Variants in SLC6A5 observed in about 807,000 individuals in gnomAD.
SLC6A5 encodes sodium- and chloride-dependent glycine transporter 2.
In SLC6A5, 58 loss-of-function variants were observed where a neutral mutation model predicts 90.5. That is an observed-to-expected ratio of 0.64 (90% CI 0.52 to 0.80). The LOEUF is 0.80. Among genes scored for constraint, SLC6A5 ranks in the 30% least tolerant of loss-of-function variants. The probability of loss-of-function intolerance (pLI) is 0.00; values close to 1 mark genes in which losing one functional copy is unlikely to be tolerated. For synonymous variants in SLC6A5, 427 were observed against 401.4 expected (o/e 1.06, Z -0.76); for missense variants, 1,015 against 1,017.6 (o/e 1.00, Z 0.03).
At chr11:20,614,935 A>G in intron 6 of SLC6A5, 115 bp downstream of exon 6, 1 of 1,051,834 alleles carries the variant, frequency 9.5e-7, no homozygotes, top group Non-Finnish European at 1.5e-6. Flanking sequence ...TCAGAGAGGA[A>G]GGTTTTTTCC....
In SLC6A5 at chr11:20,630,833, C is replaced by G. The variant is rs771834560; in HGVS notation, c.1624+18C>G. ...AGACCAAGGTACAGGACAGTTGTTA[C>G]CCTGCTGTTGCAGGGCAGGTCCCAG... On this transcript the variant is annotated intron_variant, in intron 10 of 15. Coordinates refer to ENST00000525748, the MANE Select transcript of SLC6A5 (RefSeq NM_004211.5). The G allele has an allele frequency of 6.2e-7, 1 of 1,613,700 alleles. No homozygotes were observed. Among genetic ancestry groups the G allele is most frequent in the Non-Finnish European group, 8.5e-7 (1 of 1,179,714 alleles).
chr11:20,645,190 C>T (rs757824652), intron 13 of SLC6A5, among the ~76,000 whole-genome samples: 1 of 152,064 alleles, frequency 6.6e-6, no homozygotes, highest in Non-Finnish European at 1.5e-5. Flanking sequence ...TGCTTTCTAG[C>T]CCAGCAAGAG....
chr11:20,646,976 A>T, intron 14 of SLC6A5, 42 bp downstream of exon 14: 1 of 1,246,018 alleles, frequency 8.0e-7, no homozygotes, highest in Non-Finnish European at 1.2e-6. Flanking sequence ...AGCACCTTGC[A>T]TACGTATGTG....
intron 6 of SLC6A5, among the ~76,000 whole-genome samples, chr11:20,615,493 G>A (rs1381215224): frequency 2.6e-5 from 4 of 151,870 alleles, no homozygotes; most frequent in Non-Finnish European, 4.4e-5. Flanking sequence ...TCAGCCTCCC[G>A]AGGAGCTGGG....
chr11:20,635,051 C>T (rs1207157346), intron 10 of SLC6A5, among the ~76,000 whole-genome samples: 1 of 152,094 alleles, frequency 6.6e-6, no homozygotes, highest in Non-Finnish European at 1.5e-5. Context: ...AACTGCCGCT[C>T]AGACTTCCCC....
chr11:20,638,689 A>T (rs1031360387), intron 13 of SLC6A5, 131 bp downstream of exon 13: 54 of 715,676 alleles, frequency 7.5e-5, no homozygotes, highest in African/African-American at 1.2e-4. Context: ...AACCTAAGAG[A>T]GCTGCACTTT....
rs968056780 is a variant in SLC6A5 at position 20,656,633 on chromosome 11, T to G, written c.*1765T>G. On this transcript the variant is annotated 3_prime_UTR_variant, in exon 16 of 16. Transcript: ENST00000525748. Reference sequence around the variant, plus strand: ...AATATGAACTTCCAGTTTTTAAGAGTAGCTTGTGAAAGGTTTTAGAAAAGG... The same window carrying G: ...AATATGAACTTCCAGTTTTTAAGAGGAGCTTGTGAAAGGTTTTAGAAAAGG... The G allele has an allele frequency of 2.0e-5, 3 of 152,088 alleles. No homozygotes were observed. Among genetic ancestry groups the G allele is most frequent in the Non-Finnish European group, 4.4e-5 (3 of 68,028 alleles). The allele number at this position is 152,088 out of a possible 1,614,324, so 9.4% of individuals were successfully genotyped here. A position where few individuals can be genotyped will look rare whatever the true frequency, so the allele number is the denominator to read the frequency against.
At chr11:20,599,863 T>A (rs927721039) in intron 1 of SLC6A5, among the ~76,000 whole-genome samples, 188 bp downstream of exon 1, 23 of 152,104 alleles carry the variant, frequency 1.5e-4, no homozygotes, top group African/African-American at 4.3e-4. Context: ...GCAAAGAGGT[T>A]TCCTAGGCTG....
chr11:20,635,565 C>T (rs1853189525), intron 10 of SLC6A5, among the ~76,000 whole-genome samples: 1 of 152,132 alleles, frequency 6.6e-6, no homozygotes, highest in South Asian at 2.1e-4. Context: ...GCATGCCAGA[C>T]TTAATACTTA....
At chr11:20,606,936 C>G in intron 3 of SLC6A5, 71 bp from the exon 4 acceptor site, 1 of 1,603,424 alleles carries the variant, frequency 6.2e-7, no homozygotes, top group South Asian at 1.1e-5. Flanking sequence ...CAGCCCCTAG[C>G]CCAGAGGGTT....
In SLC6A5 at chr11:20,604,399, C is replaced by T; in HGVS notation, c.654C>T (p.Pro218=). The T allele has an allele frequency of 6.2e-7, 1 of 1,613,920 alleles. No individual in the cohort carries two copies. Among genetic ancestry groups the T allele is most frequent in the Non-Finnish European group, 8.5e-7 (1 of 1,179,916 alleles). Residue 218 remains proline, a synonymous_variant, in exon 3 of 16, where the codon CCC becomes CCT. Coordinates refer to ENST00000525748, the MANE Select transcript of SLC6A5 (RefSeq NM_004211.5). ...AVGLGNVWRF[P]YLAFQNGGGA... is the part of the protein sequence containing the mutation. ...GGCTGGGCAATGTCTGGAGGTTTCC[C>T]TACCTGGCCTTCCAGAACGGGGGAG... is the stretch of plus-strand genomic sequence containing the variant.
intron 7 of SLC6A5, among the ~76,000 whole-genome samples, chr11:20,623,000 G>A (rs1172120494): frequency 1.3e-5 from 2 of 152,212 alleles, no homozygotes; most frequent in African/African-American, 2.4e-5. Context: ...TAACATCCAC[G>A]TGTGGAAGGG....
intron 2 of SLC6A5, among the ~76,000 whole-genome samples, chr11:20,602,401 G>A (rs1413933327): frequency 1.3e-5 from 2 of 152,138 alleles, no homozygotes; most frequent in Non-Finnish European, 2.9e-5. Context: ...CCAATCCTTG[G>A]GTTATGAATA....
In SLC6A5 at chr11:20,652,286, C is replaced by A. The variant is rs72932998; in HGVS notation, c.2071-3C>A. 299,450 of 1,613,220 alleles carry A rather than the reference C, an allele frequency of 0.19. 30,845 individuals are homozygous for A. Among genetic ancestry groups the A allele is most frequent in the Non-Finnish European group, 0.21 (250,965 of 1,179,216 alleles). ...AACACGTGTGTCACTTTTCTCTTTCCAGTTTATCCTTTGCTTCAGCTTTTA... is the reference window on the plus strand; with the variant it reads ...AACACGTGTGTCACTTTTCTCTTTCAAGTTTATCCTTTGCTTCAGCTTTTA... On this transcript the variant is annotated splice_region_variant and splice_polypyrimidine_tract_variant and intron_variant, in intron 14 of 15. Coordinates refer to ENST00000525748, the MANE Select transcript of SLC6A5 (RefSeq NM_004211.5).
chr11:20,645,775 A>G (rs1304957945), intron 13 of SLC6A5, among the ~76,000 whole-genome samples: 1 of 150,286 alleles, frequency 6.7e-6, no homozygotes, highest in Non-Finnish European at 1.5e-5. Context: ...AGTACCTGGG[A>G]CTCTAGGCGC....
chr11:20,625,633 A>G (rs148510453), intron 7 of SLC6A5, among the ~76,000 whole-genome samples: 2 of 152,222 alleles, frequency 1.3e-5, no homozygotes, highest in East Asian at 3.9e-4. Context: ...CTGGCATTCA[A>G]GTCTTCCCAT....
intron 7 of SLC6A5, among the ~76,000 whole-genome samples, chr11:20,626,231 T>G (rs1852990596): frequency 6.6e-6 from 1 of 152,240 alleles, no homozygotes; most frequent in Admixed American, 6.5e-5. Flanking sequence ...CATTTGAACC[T>G]AAATGCGTCT....
rs1853666808 is a variant in SLC6A5 at position 20,658,780 on chromosome 11, C to A, written c.*3912C>A. 1 of 152,112 alleles carries A rather than the reference C, an allele frequency of 6.6e-6. No homozygotes were observed. The highest frequency in any genetic ancestry group is 2.4e-5 in the African/African-American group (1 of 41,408). 9.4% of individuals were successfully genotyped at this position (152,112 alleles called of 1,614,324 possible). On this transcript the variant is annotated 3_prime_UTR_variant, in exon 16 of 16. Coordinates refer to ENST00000525748, the MANE Select transcript of SLC6A5 (RefSeq NM_004211.5). ...CGGATTAAATACATCTTCAGGTAAC[C>A]ATTTGCCTTACAGGTGTATTTTACT... is the stretch of plus-strand genomic sequence containing the variant.
chr11:20,600,402 GAA>G (rs1852444926), intron 1 of SLC6A5, among the ~76,000 whole-genome samples: 6 of 138,500 alleles, frequency 4.3e-5, no homozygotes, highest in African/African-American at 7.8e-5. Context: ...AGAAGAAGAA[GAA>G]GAAGAAGACC....
Sources: gnomAD v4.1 joint callset for allele counts (sites outside exome capture counted in the v4.1 genomes callset) on GRCh38, gnomAD v4.1.1 for gene constraint, MANE v1.5 for transcripts, NCBI Gene and HGNC (gene_info 2026-07-23, HGNC 2026-07-21) for gene names.